GRM7: variants seen among roughly 807,000 people sequenced by gnomAD.
GRM7 encodes metabotropic glutamate receptor 7.
GRM7 carries 35 observed loss-of-function variants against 84.5 expected under a neutral mutation model. That is an observed-to-expected ratio of 0.41 (90% CI 0.32 to 0.55). GRM7 has a LOEUF of 0.55. GRM7 is among the 20% of genes least tolerant of loss of function. GRM7 has a pLI of 0.19. For synonymous variants in GRM7, 487 were observed against 455.1 expected (o/e 1.07, Z -0.89); for missense variants, 1,003 against 1,194.6 (o/e 0.84, Z 2.36).
At chr3:7,248,224 T>C (rs1042170890) in intron 2 of GRM7, among the ~76,000 whole-genome samples, 4 of 152,142 alleles carry the variant, frequency 2.6e-5, no homozygotes, top group Non-Finnish European at 5.9e-5. Context: ...CAAATGTTTA[T>C]TAAGAGGAGG....
intron 4 of GRM7, among the ~76,000 whole-genome samples, chr3:7,372,836 GA>G (rs1425185163): frequency 6.6e-6 from 1 of 151,920 alleles, no homozygotes; most frequent in Admixed American, 6.6e-5. Flanking sequence ...AGGGGGTAAG[GA>G]AAGAAAAAAG....
chr3:7,424,847 C>G (rs146223509), intron 5 of GRM7, among the ~76,000 whole-genome samples: 2 of 152,232 alleles, frequency 1.3e-5, no homozygotes, highest in African/African-American at 4.8e-5. Flanking sequence ...ACAAGTAAGA[C>G]GCTGAGCTAG....
At chr3:7,613,129 T>G (rs1295671443) in intron 8 of GRM7, among the ~76,000 whole-genome samples, 7 of 152,160 alleles carry the variant, frequency 4.6e-5, no homozygotes, top group African/African-American at 1.7e-4. Context: ...ACACTTTTCA[T>G]GAGTTAAGTT....
intron 8 of GRM7, among the ~76,000 whole-genome samples, chr3:7,615,805 T>TG: frequency 6.6e-6 from 1 of 152,226 alleles, no homozygotes; most frequent in East Asian, 1.9e-4. Context: ...TTGGTACCTT[T>TG]TCCCTGTAAT....
chr3:6,973,808 A>G (rs959288952), intron 1 of GRM7, among the ~76,000 whole-genome samples: 5 of 152,224 alleles, frequency 3.3e-5, no homozygotes, highest in African/African-American at 1.2e-4. Flanking sequence ...ATGGAGTCAG[A>G]GAGGCAGTCA....
intron 1 of GRM7, among the ~76,000 whole-genome samples, chr3:7,019,766 C>T (rs948064234): frequency 1.3e-4 from 20 of 152,086 alleles, no homozygotes; most frequent in Non-Finnish European, 2.8e-4. Flanking sequence ...GTGGTACATC[C>T]GTAAATAAAA....
chr3:7,351,080 A>G (rs1693119573), intron 4 of GRM7, among the ~76,000 whole-genome samples: 2 of 152,108 alleles, frequency 1.3e-5, no homozygotes, highest in African/African-American at 2.4e-5. Flanking sequence ...TTGCCAGTAA[A>G]GGATCCAGTC....
intron 4 of GRM7, among the ~76,000 whole-genome samples, chr3:7,388,841 T>C (rs1156328): frequency 2.0e-5 from 3 of 152,000 alleles, no homozygotes; most frequent in Admixed American, 1.3e-4. Flanking sequence ...GAAGCAATTT[T>C]TCATTTTATT....
At chr3:7,364,800 C>A (rs868303084) in intron 4 of GRM7, among the ~76,000 whole-genome samples, 1 of 151,842 alleles carries the variant, frequency 6.6e-6, no homozygotes, top group Non-Finnish European at 1.5e-5. Flanking sequence ...AATGCAAGTG[C>A]TTATAAATCG....
At chr3:7,646,877 T>G (rs4686146) in intron 8 of GRM7, among the ~76,000 whole-genome samples, 50,084 of 151,936 alleles carry the variant, frequency 0.33, 8,516 homozygotes, top group Non-Finnish European at 0.36. Flanking sequence ...TTTCCTCAGG[T>G]AGCCATGTAA....
At chr3:7,332,932 C>T (rs1359784838) in intron 4 of GRM7, among the ~76,000 whole-genome samples, 9 of 152,058 alleles carry the variant, frequency 5.9e-5, no homozygotes, top group Non-Finnish European at 8.8e-5. Context: ...TATGGCTCCT[C>T]CCATCACTTG....
chr3:7,307,022 A>G (rs9863314), intron 4 of GRM7, among the ~76,000 whole-genome samples: 1 of 152,060 alleles, frequency 6.6e-6, no homozygotes, highest in Non-Finnish European at 1.5e-5. Flanking sequence ...CGCATCCATT[A>G]TTTCCTTATT....
chr3:7,653,180 C>CTTTTTTTTTTTTTTTTTTT (rs1218949173), intron 8 of GRM7, among the ~76,000 whole-genome samples: 3 of 89,514 alleles, frequency 3.4e-5, no homozygotes, highest in African/African-American at 5.5e-5. Flanking sequence ...ATACTATATC[C>CTTTTTTTTTTTTTTTTTTT]TTTTTTTTTT....
intron 9 of GRM7, among the ~76,000 whole-genome samples, chr3:7,733,334 T>A (rs1269686907): frequency 6.6e-6 from 1 of 152,184 alleles, no homozygotes; most frequent in East Asian, 1.9e-4. Flanking sequence ...AAGACAGGGA[T>A]CCTGCAAGCA....
At chr3:7,074,559 T>G (rs1697996723) in intron 1 of GRM7, among the ~76,000 whole-genome samples, 1 of 138,140 alleles carries the variant, frequency 7.2e-6, no homozygotes, top group East Asian at 2.1e-4. Flanking sequence ...TACAGCAATT[T>G]GATAGTATTT....
intron 4 of GRM7, among the ~76,000 whole-genome samples, chr3:7,344,038 T>C (rs1191897276): frequency 5.9e-5 from 9 of 152,144 alleles, no homozygotes; most frequent in Admixed American, 5.9e-4. Context: ...ACTTGTAAAA[T>C]TATTCATATA....
At chr3:7,150,088 A>T (rs1018155217) in intron 2 of GRM7, among the ~76,000 whole-genome samples, 22 of 150,466 alleles carry the variant, frequency 1.5e-4, no homozygotes, top group Non-Finnish European at 2.5e-4. Context: ...TGTGTGTGTG[A>T]GAGAGAGAGA....
intron 4 of GRM7, among the ~76,000 whole-genome samples, chr3:7,344,639 G>A (rs1692806928): frequency 6.6e-6 from 1 of 152,128 alleles, no homozygotes; most frequent in South Asian, 2.1e-4. Flanking sequence ...GAAGAACCTG[G>A]AGTGCATTAC....
intron 1 of GRM7, among the ~76,000 whole-genome samples, chr3:7,059,482 C>A (rs1412465170): frequency 6.6e-6 from 1 of 151,714 alleles, no homozygotes; most frequent in Admixed American, 6.6e-5. Flanking sequence ...TTAAAAGATT[C>A]ACTCATATTT....
Sources: gnomAD v4.1 joint callset for allele counts (sites outside exome capture counted in the v4.1 genomes callset) on GRCh38, gnomAD v4.1.1 for gene constraint, MANE v1.5 for transcripts, NCBI Gene and HGNC (gene_info 2026-07-23, HGNC 2026-07-21) for gene names.